Variants in CEP350 observed in about 807,000 individuals in gnomAD.
CEP350 encodes the protein centrosomal protein 350, also known as centrosome-associated protein 350.
A neutral mutation model predicts 331.8 loss-of-function variants in CEP350; 126 were observed. The ratio of observed to expected loss-of-function variants is 0.38; its 90% confidence interval spans 0.33 to 0.44. CEP350 has a LOEUF of 0.44. Ranked by LOEUF, CEP350 falls within the 20% of genes least tolerant of loss-of-function variation. The pLI is 1.00. For synonymous variants in CEP350, 1,200 were observed against 1,259.5 expected (o/e 0.95, Z 1.00); for missense variants, 3,406 against 3,634.6 (o/e 0.94, Z 1.62).
At chr1:180,042,290 T>C (rs1193144837) in intron 19 of CEP350, among the ~76,000 whole-genome samples, 1 of 152,192 alleles carries the variant, frequency 6.6e-6, no homozygotes, top group East Asian at 1.9e-4. Flanking sequence ...GTTTCATTTT[T>C]ACCCAGAATG....
chr1:180,023,939 C>T (rs1372626884), intron 13 of CEP350, among the ~76,000 whole-genome samples: 1 of 151,718 alleles, frequency 6.6e-6, no homozygotes, highest in Non-Finnish European at 1.5e-5. Flanking sequence ...TGAGAAAAAG[C>T]ATAGTTTTAA....
At chr1:180,100,753 G>C (rs996255426) in intron 37 of CEP350, among the ~76,000 whole-genome samples, 24 of 152,246 alleles carry the variant, frequency 1.6e-4, no homozygotes, top group Admixed American at 1.5e-3. Flanking sequence ...TTTGAGCTCA[G>C]ATCTTAAAGA....
rs1428056735 is a variant in CEP350, at chr1:179,990,559, G to A, written c.173G>A (p.Cys58Tyr). Residue 58 changes from cysteine (C) to tyrosine (Y), a missense_variant, in exon 4 of 38, where the codon TGT becomes TAT. This residue lies in a region of CEP350 where 1,857 missense variants were observed against 1,909.2 expected (regional missense o/e 0.97). Coordinates refer to ENST00000367607, the MANE Select transcript of CEP350 (RefSeq NM_014810.5). ...LEVAPTSTAV[C>Y]DSVMDTKKSS... ...GTAGCCCCTACAAGTACAGCTGTGT[G>A]TGATTCTGTCATGGATACCAAGAAG... 1 of 1,606,470 alleles carries A rather than the reference G, an allele frequency of 6.2e-7. No homozygotes were observed. The highest frequency in any genetic ancestry group is 1.7e-5 in the Admixed American group (1 of 59,390).
At chr1:180,037,435 T>A in intron 17 of CEP350, among the ~76,000 whole-genome samples, 1 of 151,500 alleles carries the variant, frequency 6.6e-6, no homozygotes, top group Non-Finnish European at 1.5e-5. Flanking sequence ...TTTTAAGTTC[T>A]ATTTGTACCA....
At chr1:179,986,361 G>T in intron 2 of CEP350, 107 bp downstream of exon 2, 1 of 659,388 alleles carries the variant, frequency 1.5e-6, no homozygotes, top group Non-Finnish European at 2.5e-6. Context: ...TTTATAGAAA[G>T]TGGATAAATC....
At chr1:180,061,086 CT>C (rs1658202202) in intron 25 of CEP350, among the ~76,000 whole-genome samples, 1 of 152,014 alleles carries the variant, frequency 6.6e-6, no homozygotes, top group African/African-American at 2.4e-5. Context: ...TTATAAAGCA[CT>C]TTTTTGCATT....
chr1:180,057,738 C>T (rs1455251867), intron 25 of CEP350, among the ~76,000 whole-genome samples: 3 of 152,052 alleles, frequency 2.0e-5, no homozygotes, highest in African/African-American at 7.2e-5. Flanking sequence ...AAAGATTGTG[C>T]TGGGTTAGGG....
chr1:180,072,175 CTT>C (rs1389803163), intron 27 of CEP350, among the ~76,000 whole-genome samples: 1 of 152,140 alleles, frequency 6.6e-6, no homozygotes, highest in Non-Finnish European at 1.5e-5. Flanking sequence ...GAAGTTCTAA[CTT>C]TAAGTTAAAC....
intron 30 of CEP350, among the ~76,000 whole-genome samples, chr1:180,081,108 T>A (rs1659541523): frequency 6.6e-6 from 1 of 152,090 alleles, no homozygotes; most frequent in Non-Finnish European, 1.5e-5. Context: ...CCTCAGGTGA[T>A]CCACCCGTCT....
intron 1 of CEP350, among the ~76,000 whole-genome samples, chr1:179,964,624 C>T (rs138910376): frequency 6.6e-4 from 101 of 151,960 alleles, no homozygotes; most frequent in African/African-American, 2.3e-3. Flanking sequence ...TGTGTGTTTC[C>T]AAGAATTTAT....
chr1:179,992,700 C>A lies in CEP350; in HGVS notation c.395+479C>A, dbSNP rs191495848. 1.4e-3 allele frequency among the ~76,000 whole-genome samples: 217 copies of A among 151,932 alleles called. 3 individuals carry two copies. Among genetic ancestry groups the A allele is most frequent in the Middle Eastern group, 6.8e-3 (2 of 294 alleles). ...GTTTTATTTTGTTGCCAATGGCTTT[C>A]AGCAACTTAGATGTTCAAGATTGAT... is the stretch of plus-strand genomic sequence containing the variant. On this transcript the variant is annotated intron_variant, in intron 5 of 37. Transcript: ENST00000367607.
rs1652639260 is a variant in CEP350 at position 179,986,258 on chromosome 1, T to G, written c.73+4T>G. The G allele has an allele frequency of 4.5e-6, 7 of 1,548,378 alleles. No homozygotes were observed. Among genetic ancestry groups the G allele is most frequent in the Non-Finnish European group, 6.1e-6 (7 of 1,145,426 alleles). ...CAAAGCAAGGATACTGTTCAAGGTA[T>G]GATTTTGTTTTTTTAAACAGAACTT... On this transcript the variant is annotated splice_donor_region_variant and intron_variant, in intron 2 of 37. Transcript: ENST00000367607.
intron 20 of CEP350, 62 bp from the exon 21 acceptor site, chr1:180,043,989 A>G: frequency 7.3e-7 from 1 of 1,376,978 alleles, no homozygotes; most frequent in East Asian, 2.6e-5. Context: ...ATTAAGCAAT[A>G]CTTAAAATCT....
intron 26 of CEP350, among the ~76,000 whole-genome samples, chr1:180,063,674 A>G (rs1658378705): frequency 6.6e-6 from 1 of 152,200 alleles, no homozygotes; most frequent in South Asian, 2.1e-4. Context: ...TTAGCTGGAC[A>G]TGGTGGCATA....
At chr1:180,061,215 A>G (rs1022260603) in intron 25 of CEP350, among the ~76,000 whole-genome samples, 6 of 151,986 alleles carry the variant, frequency 3.9e-5, no homozygotes, top group African/African-American at 1.5e-4. Context: ...TGATTGATTG[A>G]GACAGGGTCT....
chr1:180,062,910 A>C (rs1289832795), intron 26 of CEP350, among the ~76,000 whole-genome samples: 2 of 152,190 alleles, frequency 1.3e-5, no homozygotes. Flanking sequence ...GCAATGCCCT[A>C]ATGTATAGTG....
chr1:180,075,536 C>CTCCAT (rs1286737050), intron 28 of CEP350, among the ~76,000 whole-genome samples: 1 of 152,056 alleles, frequency 6.6e-6, no homozygotes, highest in Non-Finnish European at 1.5e-5. Flanking sequence ...CCCCACTGTG[C>CTCCAT]TCCAGCCTGG....
At chr1:180,069,059 AT>A (rs1658723509) in intron 27 of CEP350, among the ~76,000 whole-genome samples, 1 of 152,214 alleles carries the variant, frequency 6.6e-6, no homozygotes, top group Non-Finnish European at 1.5e-5. Context: ...AGGGAGTTAA[AT>A]ATACTGTTGA....
In CEP350 at chr1:180,014,305, C is replaced by T; in HGVS notation, c.1852C>T (p.Gln618Ter). 6.3e-7 allele frequency: 1 copy of T among 1,593,478 alleles called. No homozygotes were observed. The highest frequency in any genetic ancestry group is 8.5e-7 in the Non-Finnish European group (1 of 1,169,718). Residue 618 changes from glutamine to a stop codon, truncating the protein, a stop_gained, in exon 10 of 38, where the codon CAA becomes TAA. Transcript: ENST00000367607. LOFTEE classifies it high-confidence loss of function. ...AAAGCAAAATGAAGAGAAGAAGGCT[C>T]AAAAGGAGGCTACAGAACAGAAAAA... The part of the protein sequence containing the change: ...KRKQNEEKKA[Q>*]KEATEQKNKR...
Sources: allele counts gnomAD v4.1 joint callset (sites outside exome capture counted in the v4.1 genomes callset), GRCh38; gene constraint gnomAD v4.1.1; regional missense constraint gnomAD v4.1.1; transcripts MANE v1.5; gene names NCBI Gene and HGNC (gene_info 2026-07-23, HGNC 2026-07-21).